Variants in FYN observed in about 807,000 individuals in gnomAD.
The protein encoded by FYN is FYN proto-oncogene, Src family tyrosine kinase, also known as tyrosine-protein kinase Fyn.
FYN carries 10 observed loss-of-function variants against 70.2 expected under a neutral mutation model. The ratio of observed to expected loss-of-function variants is 0.14; its 90% CI spans 0.09 to 0.24. The LOEUF is 0.24. FYN is among the 10% of genes least tolerant of loss of function. The pLI is 1.00. For synonymous variants in FYN, 236 were observed against 248.6 expected, an observed-to-expected ratio of 0.95 and a Z score of 0.48; for missense variants, 319 against 673.1, an observed-to-expected ratio of 0.47 and a Z score of 5.82.
At chr6:111,814,607 A>C (rs921301745) in intron 2 of FYN, among the ~76,000 whole-genome samples, 1 of 152,122 alleles carries the variant, frequency 6.6e-6, no homozygotes, top group Non-Finnish European at 1.5e-5. Flanking sequence ...AGAATTAAGA[A>C]AATATTATAT....
chr6:111,742,938 T>C (rs1002066608), intron 3 of FYN, among the ~76,000 whole-genome samples: 22 of 151,924 alleles, frequency 1.4e-4, no homozygotes, highest in African/African-American at 4.6e-4. Context: ...GCTATAAATA[T>C]TGAGATCACA....
intron 13 of FYN, 25 bp downstream of exon 13, chr6:111,674,474 C>T (rs1798448511): frequency 6.3e-7 from 1 of 1,596,134 alleles, no homozygotes; most frequent in South Asian, 1.1e-5. Context: ...ATCTCAGGCC[C>T]ATGTCTGTGA....
chr6:111,737,096 T>C (rs1434367801), intron 3 of FYN, among the ~76,000 whole-genome samples: 1 of 152,232 alleles, frequency 6.6e-6, no homozygotes, highest in Non-Finnish European at 1.5e-5. Flanking sequence ...TTTAAAATAA[T>C]GGTGTGGACA....
chr6:111,713,754 G>A (rs1442023710), intron 5 of FYN, among the ~76,000 whole-genome samples: 1 of 152,100 alleles, frequency 6.6e-6, no homozygotes, highest in Non-Finnish European at 1.5e-5. Context: ...TGTTCCTCCT[G>A]GCCAACATTA....
At chr6:111,790,152 T>A (rs1771557852) in intron 2 of FYN, among the ~76,000 whole-genome samples, 1 of 151,778 alleles carries the variant, frequency 6.6e-6, no homozygotes, top group Admixed American at 6.6e-5. Context: ...GATATCCAGC[T>A]AGCACACCAC....
intron 13 of FYN, among the ~76,000 whole-genome samples, chr6:111,671,361 C>A (rs1798259230): frequency 6.6e-6 from 1 of 152,188 alleles, no homozygotes; most frequent in African/African-American, 2.4e-5. Flanking sequence ...TCTGGACCTT[C>A]TTTCACGCTG....
At chr6:111,718,816 C>A (rs1800792940) in intron 4 of FYN, among the ~76,000 whole-genome samples, 1 of 152,066 alleles carries the variant, frequency 6.6e-6, no homozygotes, top group African/African-American at 2.4e-5. Flanking sequence ...ACTTCTTCTA[C>A]TGGGCAGAGT....
intron 2 of FYN, among the ~76,000 whole-genome samples, chr6:111,789,523 TA>T (rs1771531159): frequency 6.6e-6 from 1 of 152,178 alleles, no homozygotes; most frequent in Non-Finnish European, 1.5e-5. Flanking sequence ...GGGGAATAAA[TA>T]AAAGAAACAA....
At chr6:111,828,819 G>A (rs1249224019) in intron 2 of FYN, among the ~76,000 whole-genome samples, 2 of 152,196 alleles carry the variant, frequency 1.3e-5, no homozygotes, top group African/African-American at 2.4e-5. Flanking sequence ...AGTCATGACT[G>A]GTTGCACAGC....
intron 2 of FYN, among the ~76,000 whole-genome samples, chr6:111,796,558 A>T (rs1043942490): frequency 4.6e-5 from 7 of 152,244 alleles, no homozygotes; most frequent in African/African-American, 1.7e-4. Flanking sequence ...CCTGTCCTGA[A>T]GCAACGCGTG....
chr6:111,736,967 C>T (rs969740338), intron 3 of FYN, among the ~76,000 whole-genome samples: 94 of 152,336 alleles, frequency 6.2e-4, no homozygotes, highest in African/African-American at 2.2e-3. Context: ...CTAAACTGTT[C>T]CCTAACTTTG....
chr6:111,752,314 A>G lies in FYN; in HGVS notation c.-12+28252T>C, dbSNP rs181056042. The stretch of plus-strand genomic sequence containing the variant: ...TCTACTAAATGCTCAGCCCTTGGTG[A>G]ATTAAAAAGATGAATAAGCTATCAG... On this transcript the variant is annotated intron_variant, in intron 3 of 13. Coordinates refer to ENST00000354650, the MANE Select transcript of FYN (RefSeq NM_002037.5). 3.9e-5 allele frequency among the ~76,000 whole-genome samples: 6 copies of G among 152,352 alleles called. No individual in the cohort carries two copies. The East Asian group carries it at 7.7e-4, about 20-fold the overall frequency.
intron 2 of FYN, among the ~76,000 whole-genome samples, chr6:111,832,471 C>T (rs1490727794): frequency 1.3e-5 from 2 of 152,168 alleles, no homozygotes; most frequent in Non-Finnish European, 1.5e-5. Flanking sequence ...CATAAACTGT[C>T]ATATTGCCTG....
intron 2 of FYN, among the ~76,000 whole-genome samples, chr6:111,807,422 C>T (rs1418523991): frequency 6.6e-6 from 1 of 152,182 alleles, no homozygotes; most frequent in Admixed American, 6.5e-5. Context: ...AATTCTTCCA[C>T]TCTCTCTCAA....
At chr6:111,775,804 G>T (rs1286200243) in intron 3 of FYN, among the ~76,000 whole-genome samples, 1 of 152,196 alleles carries the variant, frequency 6.6e-6, no homozygotes, top group African/African-American at 2.4e-5. Context: ...TCTTAGGCCA[G>T]TTCTGAGGAA....
intron 4 of FYN, among the ~76,000 whole-genome samples, chr6:111,716,654 TAA>T (rs149228212): frequency 2.0e-5 from 3 of 149,010 alleles, no homozygotes; most frequent in Admixed American, 2.0e-4. Context: ...CTCTGTATAT[TAA>T]AAAAAAAATT....
intron 12 of FYN, among the ~76,000 whole-genome samples, chr6:111,689,354 T>C (rs550182974): frequency 1.3e-5 from 2 of 152,338 alleles, no homozygotes; most frequent in Admixed American, 1.3e-4. Context: ...AATGACACAC[T>C]AAGTGTGTAT....
rs1272551912 is a variant in FYN at position 111,854,631 on chromosome 6, G to A, written c.-122-8002C>T. ...ATTGTCTGAATGCTCTCATTTCAGTGTTTTTGTCATTTATTGAATCGTTAT... is the reference window on the plus strand; with the variant it reads ...ATTGTCTGAATGCTCTCATTTCAGTATTTTTGTCATTTATTGAATCGTTAT... On this transcript the variant is annotated intron_variant, in intron 1 of 13. Coordinates refer to ENST00000354650, the MANE Select transcript of FYN (RefSeq NM_002037.5). 2.0e-5 allele frequency among the ~76,000 whole-genome samples: 3 copies of A among 152,322 alleles called. No individual in the cohort carries two copies. The East Asian group carries it at 5.8e-4, about 29-fold the overall frequency.
intron 3 of FYN, among the ~76,000 whole-genome samples, chr6:111,757,916 C>A (rs549699269): frequency 6.6e-6 from 1 of 152,190 alleles, no homozygotes; most frequent in Admixed American, 6.5e-5. Context: ...ATGGCACATA[C>A]GATTTCTTTT....
Sources: allele counts gnomAD v4.1 joint callset (sites outside exome capture counted in the v4.1 genomes callset), GRCh38; gene constraint gnomAD v4.1.1; transcripts MANE v1.5; gene names NCBI Gene and HGNC (gene_info 2026-07-23, HGNC 2026-07-21).